ARHGAP29: variants seen among roughly 807,000 people sequenced by gnomAD.
The protein encoded by ARHGAP29 is rho GTPase-activating protein 29.
ARHGAP29 carries 43 observed loss-of-function variants against 122.6 expected under a neutral mutation model. The observed-to-expected ratio is 0.35, with a 90% CI of 0.27 to 0.45. ARHGAP29 has a LOEUF of 0.45. ARHGAP29 is among the 20% of genes least tolerant of loss of function. The pLI, the probability that ARHGAP29 is intolerant of heterozygous loss-of-function variation, is 1.00. For synonymous variants in ARHGAP29, 506 were observed against 497.1 expected, an observed-to-expected ratio of 1.02 and a Z score of -0.24; for missense variants, 1,303 against 1,477.2, an observed-to-expected ratio of 0.88 and a Z score of 1.93.
In ARHGAP29 at chr1:94,177,853, T is replaced by G; in HGVS notation, c.2795A>C (p.Glu932Ala). The change falls in exon 21 of 23, where the codon GAA becomes GCA. Residue 932 changes from glutamate to alanine, a missense_variant and splice_region_variant. Physicochemically the swap from Glu to Ala is moderately radical, Grantham distance 107. Around this residue, in one of 3 missense-constraint regions of ARHGAP29, gnomAD observed 620 missense variants for 651.2 expected, o/e 0.95. Transcript: ENST00000260526. ...TAATTCTATAAAGGTCAAACTCACTTCCTTTGAAGAAAAAAATAGTGACTT... is the reference window on the plus strand; with the variant it reads ...TAATTCTATAAAGGTCAAACTCACTGCCTTTGAAGAAAAAAATAGTGACTT... ...SMKSLFFSSK[E>A]DIHTSESESK... 2 of 1,604,468 alleles carry G rather than the reference T, an allele frequency of 1.2e-6. No individual in the cohort carries two copies. Among genetic ancestry groups the G allele is most frequent in the Non-Finnish European group, 1.7e-6 (2 of 1,176,838 alleles).
At chr1:94,229,138 C>T (rs1236573425) in intron 2 of ARHGAP29, among the ~76,000 whole-genome samples, 1 of 151,870 alleles carries the variant, frequency 6.6e-6, no homozygotes, top group South Asian at 2.1e-4. Flanking sequence ...TGCTGTCTGG[C>T]CACACTTTAA....
chr1:94,202,755 C>T (rs1650930472), intron 10 of ARHGAP29, 23 bp from the exon 11 acceptor site: 2 of 1,603,616 alleles, frequency 1.2e-6, no homozygotes, highest in Non-Finnish European at 1.7e-6. Flanking sequence ...GAGTATTAAA[C>T]ACAGAATATG....
chr1:94,250,200 G>T (rs372797267), intron 1 of ARHGAP29, among the ~76,000 whole-genome samples: 12 of 152,290 alleles, frequency 7.9e-5, no homozygotes, highest in Admixed American at 3.9e-4. Context: ...GAGCAGAGTG[G>T]ACAGGTGCTC....
At chr1:94,179,592 C>CAAAAAAAAAAAAAAAA (rs67114194) in intron 20 of ARHGAP29, 133 bp downstream of exon 20, 1 of 199,896 alleles carries the variant, frequency 5.0e-6, no homozygotes. Context: ...GACTCTGTCT[C>CAAAAAAAAAAAAAAAA]AAAAAAAAAA....
intron 2 of ARHGAP29, among the ~76,000 whole-genome samples, chr1:94,228,584 C>T (rs576158108): frequency 1.2e-4 from 18 of 151,880 alleles, no homozygotes; most frequent in African/African-American, 3.9e-4. Flanking sequence ...AGCAATAAGA[C>T]ATTGATGAAA....
At chr1:94,248,929 G>C (rs1227121840) in intron 1 of ARHGAP29, among the ~76,000 whole-genome samples, 1 of 152,162 alleles carries the variant, frequency 6.6e-6, no homozygotes, top group African/African-American at 2.4e-5. Context: ...GCCCAGGCTG[G>C]TCTCAAACTC....
rs755152377 is a variant in ARHGAP29, at chr1:94,220,301, A to C, written c.297T>G (p.Val99=). 6.2e-7 allele frequency: 1 copy of C among 1,613,706 alleles called. No individual in the cohort carries two copies. Among genetic ancestry groups the C allele is most frequent in the Non-Finnish European group, 8.5e-7 (1 of 1,179,760 alleles). Residue 99 remains valine, a synonymous_variant, in exon 3 of 23, where the codon GTT becomes GTG. Coordinates refer to ENST00000260526, the MANE Select transcript of ARHGAP29 (RefSeq NM_004815.4). ...GCATTTCTGCAGCATTTTGAAGATC[A>C]ACAGAATTGAGGTTCTGATGTTTAT... ...IMNKHQNLNS[V]DLQNAAEMLT... is the part of the protein sequence containing the mutation.
intron 1 of ARHGAP29, among the ~76,000 whole-genome samples, chr1:94,243,393 A>G (rs930241948): frequency 1.9e-4 from 29 of 152,066 alleles, no homozygotes; most frequent in African/African-American, 7.0e-4. Context: ...AGTAACAGAA[A>G]GATAGTCAGG....
In ARHGAP29 at chr1:94,190,019, G is replaced by A. The variant is rs749168376; in HGVS notation, c.1346C>T (p.Ser449Phe). Reference protein sequence around the residue: ...QAASLADSLQSLCDSAKLYDP... With the variant: ...QAASLADSLQFLCDSAKLYDP... ...ATAGAGTTTGGCACTATCACAGAGA[G>A]ACTGTAAACTGTCTGCAAGGGAAGC... Residue 449 changes from serine (S) to phenylalanine (F), a missense_variant, in exon 13 of 23, where the codon TCT becomes TTT. Physicochemically the swap from Ser to Phe is radical, Grantham distance 155. Around this residue, in one of 3 missense-constraint regions of ARHGAP29, gnomAD observed 592 missense variants for 648.2 expected, o/e 0.91. Coordinates refer to ENST00000260526, the MANE Select transcript of ARHGAP29 (RefSeq NM_004815.4). 1 of 1,613,530 alleles carries A rather than the reference G, an allele frequency of 6.2e-7. No homozygotes were observed. The highest frequency in any genetic ancestry group is 8.5e-7 in the Non-Finnish European group (1 of 1,179,644).
In ARHGAP29 at chr1:94,180,856, G is replaced by A. The variant is rs146822416; in HGVS notation, c.2248-899C>T. 3.6e-3 allele frequency among the ~76,000 whole-genome samples: 552 copies of A among 152,216 alleles called. 15 individuals are homozygous for A. Among genetic ancestry groups the A allele is most frequent in the Admixed American group, 0.032 (494 of 15,286 alleles). On this transcript the variant is annotated intron_variant, in intron 19 of 22. Transcript: ENST00000260526. ...GACAGAATGAGAGCTGATAGTATTG[G>A]ACCCTATTCATTTCCTCTCCTTGCC...
At chr1:94,238,993 C>T (rs1238492569), upstream of ARHGAP29, among the ~76,000 whole-genome samples, 5 of 152,202 alleles carry the variant, frequency 3.3e-5, no homozygotes, top group Non-Finnish European at 7.3e-5. Context: ...TCCTTGGTTA[C>T]TTTGGCACCA....
chr1:94,189,512 G>A (rs1216549208), intron 13 of ARHGAP29, among the ~76,000 whole-genome samples, 160 bp from the exon 14 acceptor site: 1 of 152,112 alleles, frequency 6.6e-6, no homozygotes, highest in Non-Finnish European at 1.5e-5. Flanking sequence ...GCTTCTTATA[G>A]GAGATGTAAA....
the ARHGAP29 span, among the ~76,000 whole-genome samples, chr1:94,310,504 A>T: frequency 6.6e-6 from 1 of 152,244 alleles, no homozygotes; most frequent in Non-Finnish European, 1.5e-5. Flanking sequence ...GGAACTGAGT[A>T]TGTTTAATCC....
At chr1:94,308,761 C>T in the ARHGAP29 span, among the ~76,000 whole-genome samples, 3 of 152,202 alleles carry the variant, frequency 2.0e-5, no homozygotes, top group Admixed American at 6.5e-5. Flanking sequence ...CACTTCCTCC[C>T]CTGAGGCTCT....
chr1:94,201,749 C>T lies in ARHGAP29; in HGVS notation c.1252G>A (p.Val418Ile), dbSNP rs148959325. The T allele has an allele frequency of 5.5e-4, 893 of 1,613,780 alleles. 5 individuals carry two copies. The East Asian group carries it at 0.017, about 30-fold the overall frequency. ...REILAQLRTLVFQCDLTLKAV... is the reference protein window; with the variant it reads ...REILAQLRTLIFQCDLTLKAV... Reference sequence around the variant, plus strand: ...TTAAGGGTAAGATCACACTGGAAAACAAGTGTCCGGAGTTGTGCTAAAATT... The same window carrying T: ...TTAAGGGTAAGATCACACTGGAAAATAAGTGTCCGGAGTTGTGCTAAAATT... The change falls in exon 12 of 23, where the codon GTT (valine) becomes ATT (isoleucine). Residue 418 changes from valine (V) to isoleucine (I), a missense_variant. Around this residue, in one of 3 missense-constraint regions of ARHGAP29, gnomAD observed 592 missense variants for 648.2 expected, o/e 0.91. Coordinates refer to ENST00000260526, the MANE Select transcript of ARHGAP29 (RefSeq NM_004815.4).
chr1:94,291,527 A>G, the ARHGAP29 span, among the ~76,000 whole-genome samples: 1 of 152,084 alleles, frequency 6.6e-6, no homozygotes, highest in African/African-American at 2.4e-5. Context: ...CTGTTAATTG[A>G]TATAGTTTCT....
intron 2 of ARHGAP29, among the ~76,000 whole-genome samples, chr1:94,224,697 G>C (rs1652514303): frequency 6.6e-6 from 1 of 151,796 alleles, no homozygotes; most frequent in Non-Finnish European, 1.5e-5. Context: ...TTTTTCTTAA[G>C]AATCACTATA....
the ARHGAP29 span, among the ~76,000 whole-genome samples, chr1:94,298,742 G>GT: frequency 6.6e-6 from 1 of 152,150 alleles, no homozygotes; most frequent in African/African-American, 2.4e-5. Flanking sequence ...AAGTAGAAGA[G>GT]TAAATATATA....
Position 94,269,200 on chromosome 1 carries a change from G to T in ARHGAP29, c.-33+5812C>A, listed in dbSNP as rs536087679. ...TAGCCCTGACTGGATTCATTTGATT[G>T]ATTGATTCGTGAGCATTCATGTAAT... On this transcript the variant is annotated intron_variant and NMD_transcript_variant, in intron 1 of 25. Coordinates refer to the ARHGAP29 transcript ENST00000552844. Among the ~76,000 whole-genome samples the T allele has an allele frequency of 5.3e-5, 8 of 152,230 alleles. No individual in the cohort carries two copies. The South Asian group carries it at 8.3e-4, about 16-fold the overall frequency.
Sources: gnomAD v4.1 joint callset for allele counts (sites outside exome capture counted in the v4.1 genomes callset) on GRCh38, gnomAD v4.1.1 for gene constraint, gnomAD v4.1.1 regional missense constraint, MANE v1.5 for transcripts, NCBI Gene and HGNC (gene_info 2026-07-23, HGNC 2026-07-21) for gene names.